FMN2: variants seen among roughly 807,000 people sequenced by gnomAD.
FMN2 encodes the protein formin 2.
Under a neutral mutation model 142.3 loss-of-function variants are expected in FMN2, and 51 were observed. The ratio of observed to expected loss-of-function variants is 0.36; its 90% CI spans 0.29 to 0.45. The LOEUF (loss-of-function observed/expected upper bound fraction) is 0.45, where lower values mean the gene tolerates loss of function less well. Among genes scored for constraint, FMN2 ranks in the 20% least tolerant of loss-of-function variants. The pLI is 1.00. For synonymous variants in FMN2, 882 were observed against 869.8 expected (o/e 1.01, Z -0.25); for missense variants, 1,936 against 2,122.8 (o/e 0.91, Z 1.73).
intron 6 of FMN2, among the ~76,000 whole-genome samples, chr1:240,214,427 C>T (rs571591002): frequency 2.2e-4 from 33 of 151,388 alleles, no homozygotes; most frequent in African/African-American, 7.8e-4. Context: ...AGCAGGTGCC[C>T]GTAGTCTCAG....
intron 6 of FMN2, among the ~76,000 whole-genome samples, chr1:240,212,580 T>C (rs546658333): frequency 6.6e-6 from 1 of 152,298 alleles, no homozygotes; most frequent in African/African-American, 2.4e-5. Context: ...CAGTAGTGAT[T>C]AAAAACCAGA....
intron 2 of FMN2, among the ~76,000 whole-genome samples, chr1:240,134,956 C>G (rs1467852745): frequency 6.6e-6 from 1 of 152,070 alleles, no homozygotes; most frequent in Non-Finnish European, 1.5e-5. Flanking sequence ...GTCATGCCCA[C>G]TTGGTGTTAT....
intron 13 of FMN2, among the ~76,000 whole-genome samples, chr1:240,345,630 G>T (rs2103033797): frequency 6.6e-6 from 1 of 152,036 alleles, no homozygotes; most frequent in East Asian, 1.9e-4. Context: ...ATTACAGCAT[G>T]CACCACCATG....
intron 2 of FMN2, among the ~76,000 whole-genome samples, chr1:240,145,696 G>A (rs2103261826): frequency 6.6e-6 from 1 of 151,818 alleles, no homozygotes; most frequent in East Asian, 2.0e-4. Flanking sequence ...TTTTTGTAGA[G>A]ACAGGTTCTG....
At chr1:240,445,121 G>A (rs1675760223) in intron 16 of FMN2, among the ~76,000 whole-genome samples, 1 of 152,192 alleles carries the variant, frequency 6.6e-6, no homozygotes, top group Non-Finnish European at 1.5e-5. Context: ...CAAAATAGTG[G>A]CCAATGGAGG....
At position 240,177,930 on chromosome 1, in the gene FMN2, C is replaced by G. The variant is rs1342220703; in HGVS notation, c.1792C>G (p.Leu598Val). ...TNAASFDQDQLYTWAAVSQPT... is the reference protein window; with the variant it reads ...TNAASFDQDQVYTWAAVSQPT... The stretch of plus-strand genomic sequence containing the variant: ...TTATTTTTAAATATAGCAAGATCAA[C>G]TTTATACCTGGGCTGCAGTTAGTCA... Residue 598 changes from leucine (L) to valine (V), a missense_variant, in exon 3 of 18, where the codon CTT becomes GTT. Transcript: ENST00000319653. 6.3e-7 allele frequency: 1 copy of G among 1,575,306 alleles called. No homozygotes were observed. Among genetic ancestry groups the G allele is most frequent in the Non-Finnish European group, 8.6e-7 (1 of 1,167,282 alleles).
intron 10 of FMN2, 87 bp from the exon 11 acceptor site, chr1:240,330,516 A>G (rs1192999916): frequency 2.2e-6 from 3 of 1,394,098 alleles, no homozygotes; most frequent in Non-Finnish European, 9.8e-7. Flanking sequence ...CTCCTAATAT[A>G]ATATAAATAG....
In FMN2 at chr1:240,329,387, T is replaced by C. The variant is rs1173348240; in HGVS notation, c.4356T>C (p.Phe1452=). 1 of 1,614,064 alleles carries C rather than the reference T, an allele frequency of 6.2e-7. No individual in the cohort carries two copies. The highest frequency in any genetic ancestry group is 1.1e-5 in the South Asian group (1 of 91,052). ...SLIPNFSERV[F]CILFQSTFSE... ...TCCCCAACTTTTCAGAGCGAGTCTT[T>C]TGCATCCTGTTCCAGTCCACATTTT... The change falls in exon 10 of 18, where the codon TTT becomes TTC. Residue 1452 remains phenylalanine, a synonymous_variant. Transcript: ENST00000319653.
At chr1:240,203,839 AT>A (rs368877121) in intron 4 of FMN2, among the ~76,000 whole-genome samples, 134 of 148,216 alleles carry the variant, frequency 9.0e-4, no homozygotes, top group African/African-American at 3.2e-3. Context: ...AAAAAAGGTT[AT>A]TTTTTTTCCC....
intron 15 of FMN2, among the ~76,000 whole-genome samples, chr1:240,412,283 G>A (rs1315140420): frequency 6.6e-6 from 1 of 152,110 alleles, no homozygotes; most frequent in East Asian, 1.9e-4. Context: ...AACAAAAATT[G>A]TTTTATTTGA....
At chr1:240,180,106 A>G in intron 3 of FMN2, 1 of 1,113,664 alleles carries the variant, frequency 9.0e-7, no homozygotes, top group East Asian at 6.0e-5. Context: ...AGCTTGCAAA[A>G]TGCTAGAGCA....
At chr1:240,317,998 A>G (rs1189552111) in intron 8 of FMN2, among the ~76,000 whole-genome samples, 1 of 152,216 alleles carries the variant, frequency 6.6e-6, no homozygotes, top group Non-Finnish European at 1.5e-5. Flanking sequence ...AATGAGGCTG[A>G]ACATCATTTC....
rs116726471 is a variant in FMN2, at chr1:240,265,104, C to T, written c.4153+7072C>T. On this transcript the variant is annotated intron_variant, in intron 7 of 17. Transcript: ENST00000319653. ...TGTGTTACCTAATAAAATCAGAATG[C>T]GCAACATATGCAAAAATAAAACTGG... Among the ~76,000 whole-genome samples, 1,065 of 152,242 alleles carry T rather than the reference C, an allele frequency of 7.0e-3. 20 individuals carry two copies. The highest frequency in any genetic ancestry group is 0.025 in the African/African-American group (1,033 of 41,540).
chr1:240,312,201 A>G (rs962387755), intron 8 of FMN2, among the ~76,000 whole-genome samples: 1 of 151,982 alleles, frequency 6.6e-6, no homozygotes, highest in Non-Finnish European at 1.5e-5. Context: ...TCTGCTCTCC[A>G]GCCACCCACC....
intron 7 of FMN2, among the ~76,000 whole-genome samples, chr1:240,265,921 T>G (rs376951840): frequency 4.6e-5 from 7 of 151,270 alleles, no homozygotes; most frequent in Admixed American, 2.6e-4. Flanking sequence ...GGGTTTGTTT[T>G]TTTTTTTTTT....
intron 1 of FMN2, among the ~76,000 whole-genome samples, chr1:240,112,257 G>A (rs546462086): frequency 3.0e-4 from 45 of 151,244 alleles, no homozygotes; most frequent in Non-Finnish European, 4.7e-4. Flanking sequence ...TCAGCCTCCC[G>A]AGTAGCTGGG....
At chr1:240,456,643 A>ACAGGGTTTCTC (rs1214487248) in intron 16 of FMN2, among the ~76,000 whole-genome samples, 11 of 152,204 alleles carry the variant, frequency 7.2e-5, no homozygotes, top group African/African-American at 2.2e-4. Context: ...TTTAGTAGAG[A>ACAGGGTTTCTC]CAGGGTTTCT....
rs1669900828 is a variant in FMN2, at chr1:240,294,517, A to G, written c.4154-305A>G. On this transcript the variant is annotated intron_variant, in intron 7 of 17. Transcript: ENST00000319653. ...GGAGTGATTTGCTTATTTTGCTGGTATGAAGCAGATTTTTCAAATTCATTC... is the reference window on the plus strand; with the variant it reads ...GGAGTGATTTGCTTATTTTGCTGGTGTGAAGCAGATTTTTCAAATTCATTC... 2.0e-5 allele frequency among the ~76,000 whole-genome samples: 3 copies of G among 152,238 alleles called. No individual in the cohort carries two copies. In the South Asian group the frequency reaches 6.2e-4, roughly 32 times the overall value.
chr1:240,335,515 C>T (rs1172129887), intron 13 of FMN2, among the ~76,000 whole-genome samples: 1 of 152,126 alleles, frequency 6.6e-6, no homozygotes, highest in Non-Finnish European at 1.5e-5. Flanking sequence ...GAAATTTACA[C>T]ACACTATGAT....
Sources: gnomAD v4.1 joint callset for allele counts (sites outside exome capture counted in the v4.1 genomes callset) on GRCh38, gnomAD v4.1.1 for gene constraint, MANE v1.5 for transcripts, NCBI Gene and HGNC (gene_info 2026-07-23, HGNC 2026-07-21) for gene names.